Variants in ANKRD18A observed in about 807,000 individuals in gnomAD.
ANKRD18A encodes ankyrin repeat domain 18A, also known as ankyrin repeat domain-containing protein 18A.
A neutral mutation model predicts 110.6 loss-of-function variants in ANKRD18A; 72 were observed. The observed-to-expected ratio is 0.65, with a 90% CI of 0.54 to 0.79. The LOEUF (loss-of-function observed/expected upper bound fraction) is 0.79. Among genes scored for constraint, ANKRD18A ranks in the 30% least tolerant of loss-of-function variants. The probability of loss-of-function intolerance (pLI) is 0.00; values close to 1 mark genes in which losing one functional copy is unlikely to be tolerated. For missense variants in ANKRD18A, 934 were observed against 1,163.3 expected (o/e 0.80, Z 2.87); for synonymous variants, 305 against 410.3 (o/e 0.74, Z 3.10).
intron 11 of ANKRD18A, among the ~76,000 whole-genome samples, chr9:38,587,488 T>C (rs1283937016): frequency 6.6e-6 from 1 of 152,186 alleles, no homozygotes; most frequent in Non-Finnish European, 1.5e-5. Context: ...AGAAGTTTAA[T>C]AAGATGTATA....
Position 38,620,533 on chromosome 9 carries a change from G to A in ANKRD18A, c.-248C>T. The A allele has an allele frequency of 7.4e-7, 1 of 1,359,868 alleles. No homozygotes were observed. The highest frequency in any genetic ancestry group is 9.5e-7 in the Non-Finnish European group (1 of 1,052,176). 84.2% of individuals were successfully genotyped at this position (1,359,868 alleles called of 1,614,324 possible). On this transcript the variant is annotated 5_prime_UTR_variant, in exon 1 of 16. Coordinates refer to ENST00000399703, the MANE Select transcript of ANKRD18A (RefSeq NM_147195.4). ...CGCAGACTCCGACCTCTCAGACCGAGTGAGCCCAGCTAAGCCGTTAGGCGC... is the reference window on the plus strand; with the variant it reads ...CGCAGACTCCGACCTCTCAGACCGAATGAGCCCAGCTAAGCCGTTAGGCGC...
At chr9:38,594,230 T>A (rs1417693810) in intron 9 of ANKRD18A, among the ~76,000 whole-genome samples, 2 of 152,170 alleles carry the variant, frequency 1.3e-5, no homozygotes, top group African/African-American at 4.8e-5. Context: ...TACCTCAGAA[T>A]AAAATTCCAA....
chr9:38,593,643 T>C, intron 10 of ANKRD18A, 117 bp downstream of exon 10: 1 of 1,064,642 alleles, frequency 9.4e-7, no homozygotes, highest in Non-Finnish European at 1.2e-6. Flanking sequence ...AAAATGGTAA[T>C]GATCAATTAT....
chr9:38,608,675 C>G (rs890368296), intron 5 of ANKRD18A, among the ~76,000 whole-genome samples: 1 of 143,928 alleles, frequency 6.9e-6, no homozygotes, highest in African/African-American at 2.5e-5. Flanking sequence ...TTTAAAATAA[C>G]ATAAATATAA....
At chr9:38,614,730 G>C (rs1281704609) in intron 3 of ANKRD18A, among the ~76,000 whole-genome samples, 3 of 151,988 alleles carry the variant, frequency 2.0e-5, no homozygotes, top group Non-Finnish European at 2.9e-5. Flanking sequence ...GGTATATCAG[G>C]GACAAGTAAA....
rs185913077 is a variant in ANKRD18A at position 38,577,507 on chromosome 9, T to G, written c.2530-243A>C. Among the ~76,000 whole-genome samples the G allele has an allele frequency of 7.0e-3, 1,072 of 152,258 alleles. 14 individuals carry two copies. Among genetic ancestry groups the G allele is most frequent in the African/African-American group, 0.024 (1,002 of 41,558 alleles). On this transcript the variant is annotated intron_variant, in intron 13 of 15. Coordinates refer to ENST00000399703, the MANE Select transcript of ANKRD18A (RefSeq NM_147195.4). ...TAATGTAATCTTGTCCTATAAAAAG[T>G]AATAGAATCCATTTATAATTTTAAA... is the stretch of plus-strand genomic sequence containing the variant.
chr9:38,590,031 C>T (rs1295066114), intron 10 of ANKRD18A, among the ~76,000 whole-genome samples: 20 of 152,236 alleles, frequency 1.3e-4, no homozygotes, highest in Non-Finnish European at 2.2e-4. Flanking sequence ...TGAATCTTGT[C>T]TATTTTATGT....
At chr9:38,566,167 A>G in the ANKRD18A span, 2 of 152,376 alleles carry the variant, frequency 1.3e-5, no homozygotes, top group African/African-American at 4.8e-5. Context: ...CCCTGATCCC[A>G]TGAATCTCTT....
At position 38,614,008 on chromosome 9, in the gene ANKRD18A, C is replaced by T. The variant is rs537360675; in HGVS notation, c.495+1586G>A. 2.6e-5 allele frequency among the ~76,000 whole-genome samples: 4 copies of T among 152,200 alleles called. No homozygotes were observed. In the South Asian group the frequency reaches 8.3e-4, roughly 32 times the overall value. Reference sequence around the variant, plus strand: ...TTATTCTGTAAGCTGAGCGATATTGCCAATGATATTCCCTTTCACTTCCCA... The same window carrying T: ...TTATTCTGTAAGCTGAGCGATATTGTCAATGATATTCCCTTTCACTTCCCA... On this transcript the variant is annotated intron_variant, in intron 3 of 15. Coordinates refer to ENST00000399703, the MANE Select transcript of ANKRD18A (RefSeq NM_147195.4).
At chr9:38,591,362 C>T (rs952336137) in intron 10 of ANKRD18A, among the ~76,000 whole-genome samples, 1 of 152,150 alleles carries the variant, frequency 6.6e-6, no homozygotes, top group African/African-American at 2.4e-5. Context: ...AGCCGTGCGA[C>T]CTTGAGCAAA....
At chr9:38,601,576 C>T (rs114898241) in intron 7 of ANKRD18A, among the ~76,000 whole-genome samples, 5,073 of 152,230 alleles carry the variant, frequency 0.033, 129 homozygotes, top group African/African-American at 0.07. Context: ...ATGCTAAGCA[C>T]GTTATTTACT....
At chr9:38,606,747 A>G (rs1460345927) in intron 6 of ANKRD18A, among the ~76,000 whole-genome samples, 2 of 152,214 alleles carry the variant, frequency 1.3e-5, no homozygotes, top group African/African-American at 2.4e-5. Flanking sequence ...TAAACCATTT[A>G]CTATAAAAAT....
At position 38,615,940 on chromosome 9, in the gene ANKRD18A, G is replaced by A; in HGVS notation, c.311C>T (p.Pro104Leu). The A allele has an allele frequency of 6.4e-7, 1 of 1,567,416 alleles. No homozygotes were observed. The highest frequency in any genetic ancestry group is 8.7e-7 in the Non-Finnish European group (1 of 1,155,704). The change falls in exon 2 of 16, where the codon CCT becomes CTT. Residue 104 changes from proline (P) to leucine (L), a missense_variant. By Grantham distance (98) the Pro-to-Leu change is moderately conservative. Coordinates refer to ENST00000399703, the MANE Select transcript of ANKRD18A (RefSeq NM_147195.4). ...TTGGCTACTATATACCTTCATTAAA[G>A]GTGTCCTGTTTAGTCTGTCACAGAT... ...IDICDRLNRTPLMKAVHSQEE... is the reference protein window; with the variant it reads ...IDICDRLNRTLLMKAVHSQEE...
intron 10 of ANKRD18A, among the ~76,000 whole-genome samples, chr9:38,590,637 C>T (rs1824604791): frequency 6.6e-6 from 1 of 152,108 alleles, no homozygotes; most frequent in Admixed American, 6.5e-5. Context: ...ATTTCCTTTT[C>T]CATAGAGATA....
rs2996335 is a variant in ANKRD18A, at chr9:38,577,104, G to A, written c.2690C>T (p.Ala897Val). The A allele has an allele frequency of 0.028, 43,734 of 1,548,094 alleles. 1,022 individuals carry two copies. The highest frequency in any genetic ancestry group is 0.12 in the African/African-American group (8,650 of 72,886). Residue 897 changes from alanine to valine, a missense_variant, in exon 14 of 16, where the codon GCC (alanine) becomes GTC (valine). Transcript: ENST00000399703. ...GTTAGCTTTCACTGCTCCTGCAAAGGCTTCCTTAAATTCTTCTAATTCAGT... is the reference window on the plus strand; with the variant it reads ...GTTAGCTTTCACTGCTCCTGCAAAGACTTCCTTAAATTCTTCTAATTCAGT... Reference protein sequence around the residue: ...VTTELEEFKEAFAGAVKANNS... With the variant: ...VTTELEEFKEVFAGAVKANNS...
At chr9:38,613,298 T>C (rs1825720731) in intron 3 of ANKRD18A, among the ~76,000 whole-genome samples, 1 of 151,872 alleles carries the variant, frequency 6.6e-6, no homozygotes, top group South Asian at 2.1e-4. Context: ...TCTGCATGAG[T>C]CCACTAAAGT....
intron 8 of ANKRD18A, among the ~76,000 whole-genome samples, chr9:38,598,088 T>C (rs1356009436): frequency 6.6e-6 from 1 of 152,208 alleles, no homozygotes; most frequent in East Asian, 1.9e-4. Flanking sequence ...GGAATATTTG[T>C]TGCAACTCTC....
intron 10 of ANKRD18A, among the ~76,000 whole-genome samples, chr9:38,591,323 G>A (rs528908434): frequency 2.9e-4 from 44 of 152,268 alleles, no homozygotes; most frequent in African/African-American, 1.1e-3. Flanking sequence ...CAGAAGGGCT[G>A]GGTCTGAATC....
At chr9:38,601,509 A>G (rs1338988965) in intron 7 of ANKRD18A, among the ~76,000 whole-genome samples, 1 of 152,194 alleles carries the variant, frequency 6.6e-6, no homozygotes, top group Non-Finnish European at 1.5e-5. Flanking sequence ...ATACAGTAAA[A>G]ACATATAAAG....
Sources: gnomAD v4.1 joint callset for allele counts (sites outside exome capture counted in the v4.1 genomes callset) on GRCh38, gnomAD v4.1.1 for gene constraint, MANE v1.5 for transcripts, NCBI Gene and HGNC (gene_info 2026-07-23, HGNC 2026-07-21) for gene names.